Variants in HIVEP3 observed in about 807,000 individuals in gnomAD.
The protein encoded by HIVEP3 is HIVEP zinc finger 3, also known as transcription factor HIVEP3.
In HIVEP3, 49 loss-of-function variants were observed where a neutral mutation model predicts 152.8. The observed-to-expected ratio is 0.32, with a 90% CI of 0.26 to 0.41. The LOEUF is 0.41. HIVEP3 is among the 10% of genes least tolerant of loss of function. The pLI is 1.00. For missense variants in HIVEP3, 2,790 were observed against 3,103.3 expected, an observed-to-expected ratio of 0.90 and a Z score of 2.40; for synonymous variants, 1,269 against 1,289.0, an observed-to-expected ratio of 0.98 and a Z score of 0.33.
Position 41,686,523 on chromosome 1 carries a change from G to A in HIVEP3, c.-721+14393C>T, listed in dbSNP as rs186911777. Among the ~76,000 whole-genome samples the A allele has an allele frequency of 5.3e-5, 8 of 152,316 alleles. No individual in the cohort carries two copies. In the East Asian group the frequency reaches 9.6e-4, roughly 18 times the overall value. On this transcript the variant is annotated intron_variant, in intron 2 of 8. Coordinates refer to ENST00000372583, the MANE Select transcript of HIVEP3 (RefSeq NM_024503.5). The stretch of plus-strand genomic sequence containing the variant: ...GTCTTCTTTTCTCCTTGACTTTGCC[G>A]TTGATGAGTTTACATGCCTGACCAC...
At position 41,508,853 on chromosome 1, in the gene HIVEP3, T is replaced by A. The variant is rs1644410870; in HGVS notation, c.*1598A>T. The A allele has an allele frequency of 6.6e-6, 1 of 152,222 alleles. No individual in the cohort carries two copies. The highest frequency in any genetic ancestry group is 2.1e-4 in the South Asian group (1 of 4,832). 9.4% of individuals were successfully genotyped at this position (152,222 alleles called of 1,614,324 possible). On this transcript the variant is annotated 3_prime_UTR_variant, in exon 9 of 9. Coordinates refer to ENST00000372583, the MANE Select transcript of HIVEP3 (RefSeq NM_024503.5). ...GGTCCCTGCTCTGTATAGGGTGGCATCAAACCCAGCCTTCACGGGCCTCAA... is the reference window on the plus strand; with the variant it reads ...GGTCCCTGCTCTGTATAGGGTGGCAACAAACCCAGCCTTCACGGGCCTCAA...
intron 2 of HIVEP3, among the ~76,000 whole-genome samples, chr1:41,655,482 C>T (rs911936809): frequency 2.0e-5 from 3 of 147,044 alleles, no homozygotes; most frequent in African/African-American, 7.6e-5. Flanking sequence ...ACTTGGGACG[C>T]TGAGGTGACA....
In HIVEP3 at chr1:41,533,940, CG is replaced by C. The variant is rs201270863; in HGVS notation, c.5208-9031del. ...CCTGCAGTGTCTGCTCCTGGGTCCC[CG>C]TTCTCTCTCAGCAAGCAGCACCTGC... is the stretch of plus-strand genomic sequence containing the variant. On this transcript the variant is annotated intron_variant, in intron 5 of 8. Transcript: ENST00000372583. This position sits in a 1 kb window ranked among gnomAD's most constrained non-coding sequence, Gnocchi z 4.3. 3.0e-3 allele frequency among the ~76,000 whole-genome samples: 7 copies of C among 2,340 alleles called. No individual in the cohort carries two copies. The highest frequency in any genetic ancestry group is 0.2 in the South Asian group (2 of 10). The allele number at this position is 2,340 out of a possible 152,430, so 1.5% of individuals were successfully genotyped here.
upstream of HIVEP3, among the ~76,000 whole-genome samples, chr1:41,920,717 C>G (rs1644936649): frequency 6.6e-6 from 1 of 152,018 alleles, no homozygotes; most frequent in African/African-American, 2.4e-5. Context: ...TCGAGTCCAT[C>G]CTCTTACCTT....
At chr1:41,601,675 C>A (rs1014138945) in intron 3 of HIVEP3, among the ~76,000 whole-genome samples, 3 of 152,008 alleles carry the variant, frequency 2.0e-5, no homozygotes, top group Non-Finnish European at 4.4e-5. Flanking sequence ...ATTATTTTGT[C>A]TGCAAACAGG....
At position 41,546,266 on chromosome 1, in the gene HIVEP3, T is replaced by C. The variant is rs1050227168; in HGVS notation, c.5208-21356A>G. Reference sequence around the variant, plus strand: ...TCCTGAGTGTGCAAAGTGAGGACTGTAGTGGAGAAGGCGGGGGGCTCAAGT... The same window carrying C: ...TCCTGAGTGTGCAAAGTGAGGACTGCAGTGGAGAAGGCGGGGGGCTCAAGT... On this transcript the variant is annotated intron_variant, in intron 5 of 8. Coordinates refer to ENST00000372583, the MANE Select transcript of HIVEP3 (RefSeq NM_024503.5). 3.3e-5 allele frequency among the ~76,000 whole-genome samples: 5 copies of C among 152,194 alleles called. No homozygotes were observed. In the East Asian group the frequency reaches 9.6e-4, roughly 29 times the overall value.
chr1:41,686,082 T>C (rs549274738), intron 2 of HIVEP3, among the ~76,000 whole-genome samples: 4 of 134,710 alleles, frequency 3.0e-5, no homozygotes, highest in African/African-American at 1.4e-4. Flanking sequence ...TTTTGTTTTG[T>C]TTTTTTTGAG....
chr1:41,991,667 A>G (rs1327608417), intron 1 of HIVEP3, among the ~76,000 whole-genome samples: 2 of 152,020 alleles, frequency 1.3e-5, no homozygotes, highest in Non-Finnish European at 2.9e-5. Flanking sequence ...CATCATTCTG[A>G]TACCAAAGCC....
At chr1:42,018,227 GAGTTT>G (rs1381461744) in intron 1 of HIVEP3, among the ~76,000 whole-genome samples, 1 of 148,926 alleles carries the variant, frequency 6.7e-6, no homozygotes, top group Admixed American at 6.9e-5. Flanking sequence ...AGAATTTCTT[GAGTTT>G]AGTTTAATCT....
intron 1 of HIVEP3, among the ~76,000 whole-genome samples, chr1:41,916,103 G>T (rs1436845580): frequency 6.6e-6 from 1 of 152,158 alleles, no homozygotes; most frequent in Non-Finnish European, 1.5e-5. Context: ...CCTAGAACCT[G>T]CCAGGACTTC....
At chr1:41,828,022 G>T (rs1232723056) in intron 1 of HIVEP3, among the ~76,000 whole-genome samples, 1 of 152,182 alleles carries the variant, frequency 6.6e-6, no homozygotes, top group African/African-American at 2.4e-5. Context: ...TGACATCAAA[G>T]AACACCTTTG....
chr1:41,957,341 T>G lies in HIVEP3; in HGVS notation n.120-38817A>C, dbSNP rs1306622202. Among the ~76,000 whole-genome samples the G allele has an allele frequency of 2.0e-5, 3 of 152,206 alleles. No individual in the cohort carries two copies. The East Asian group carries it at 5.8e-4, about 29-fold the overall frequency. On this transcript the variant is annotated intron_variant and non_coding_transcript_variant, in intron 1 of 3. Transcript: ENST00000489103. ...CAATTCCCCCAAAGTCATAATTCTC[T>G]AAGACACTGCTAAACAAGTAGGGGT...
At chr1:41,679,427 C>T (rs532115242) in intron 2 of HIVEP3, among the ~76,000 whole-genome samples, 20 of 152,230 alleles carry the variant, frequency 1.3e-4, no homozygotes, top group Middle Eastern at 3.2e-3. Context: ...AAGGACAGAT[C>T]CTATCTCCCC....
At chr1:41,770,576 A>G (rs115462048) in intron 1 of HIVEP3, among the ~76,000 whole-genome samples, 356 of 152,320 alleles carry the variant, frequency 2.3e-3, no homozygotes, top group African/African-American at 8.0e-3. Context: ...ATATAATGCA[A>G]TGAGAAGGGG....
intron 1 of HIVEP3, among the ~76,000 whole-genome samples, chr1:41,910,633 T>C (rs1327649708): frequency 3.3e-5 from 5 of 151,962 alleles, no homozygotes; most frequent in South Asian, 2.1e-4. Context: ...CCTAGCAATG[T>C]ATAAGAAATG....
At chr1:41,544,753 C>T (rs1343117345) in intron 5 of HIVEP3, among the ~76,000 whole-genome samples, 3 of 143,818 alleles carry the variant, frequency 2.1e-5, no homozygotes, top group African/African-American at 8.6e-5. Context: ...ACCACTACCA[C>T]CACCATCACC....
At chr1:41,521,717 C>T (rs1341582360) in intron 6 of HIVEP3, among the ~76,000 whole-genome samples, 1 of 152,168 alleles carries the variant, frequency 6.6e-6, no homozygotes, top group Non-Finnish European at 1.5e-5. Flanking sequence ...TGATGGGTGT[C>T]GGGAAGAGGC....
intron 2 of HIVEP3, among the ~76,000 whole-genome samples, chr1:41,637,675 G>A (rs1645297956): frequency 6.6e-6 from 1 of 152,218 alleles, no homozygotes; most frequent in Non-Finnish European, 1.5e-5. Context: ...GGACCTGGGG[G>A]ATGCAATCTT....
At chr1:41,804,960 C>A (rs1650514237) in intron 1 of HIVEP3, among the ~76,000 whole-genome samples, 1 of 152,188 alleles carries the variant, frequency 6.6e-6, no homozygotes, top group African/African-American at 2.4e-5. Flanking sequence ...TAGGAGAAAA[C>A]AAAGCCTACT....
Sources: gnomAD v4.1 joint callset for allele counts (sites outside exome capture counted in the v4.1 genomes callset) on GRCh38, gnomAD v4.1.1 for gene constraint, Gnocchi (gnomAD v3.1) non-coding constraint, MANE v1.5 for transcripts, NCBI Gene and HGNC (gene_info 2026-07-23, HGNC 2026-07-21) for gene names.